Variants in TENT4A observed in about 807,000 individuals in gnomAD.
TENT4A encodes DNA polymerase kappa.
TENT4A carries 7 observed loss-of-function variants against 72.8 expected under a neutral mutation model. The ratio of observed to expected loss-of-function variants is 0.10; its 90% confidence interval spans 0.05 to 0.18. The LOEUF is 0.18. Ranked by LOEUF, TENT4A falls within the 10% of genes least tolerant of loss-of-function variation. The pLI is 1.00. For missense variants in TENT4A, 831 were observed against 1,017.7 expected, an observed-to-expected ratio of 0.82 and a Z score of 2.50; for synonymous variants, 456 against 434.3, an observed-to-expected ratio of 1.05 and a Z score of -0.62.
chr5:6,743,305 C>T (rs1400966894), intron 5 of TENT4A, among the ~76,000 whole-genome samples: 1 of 152,174 alleles, frequency 6.6e-6, no homozygotes, highest in African/African-American at 2.4e-5. Flanking sequence ...GCTTTCCCTC[C>T]CTCCTGCCAT....
At chr5:6,735,570 A>G (rs1229613304) in intron 1 of TENT4A, among the ~76,000 whole-genome samples, 4 of 152,180 alleles carry the variant, frequency 2.6e-5, no homozygotes, top group Non-Finnish European at 5.9e-5. Context: ...TCAGACTTTA[A>G]AGTGGCCTAC....
intron 1 of TENT4A, among the ~76,000 whole-genome samples, chr5:6,720,738 C>T (rs956822983): frequency 2.6e-5 from 4 of 151,074 alleles, no homozygotes; most frequent in African/African-American, 7.3e-5. Context: ...GCAGGAAAGC[C>T]GTGTGAATAT....
intron 12 of TENT4A, among the ~76,000 whole-genome samples, chr5:6,753,900 T>C (rs1742549830): frequency 6.6e-6 from 1 of 152,244 alleles, no homozygotes. Flanking sequence ...CACCGGCCTC[T>C]TCTTTGCATT....
chr5:6,740,818 C>T (rs1053051797), intron 4 of TENT4A, among the ~76,000 whole-genome samples: 1 of 152,240 alleles, frequency 6.6e-6, no homozygotes, highest in Admixed American at 6.5e-5. Flanking sequence ...TAGCACGAGA[C>T]AAGCCCTGGC....
At chr5:6,743,624 T>C in intron 5 of TENT4A, 88 bp from the exon 6 acceptor site, 2 of 1,110,008 alleles carry the variant, frequency 1.8e-6, no homozygotes, top group Non-Finnish European at 1.3e-6. Flanking sequence ...GAGGAAACTT[T>C]CCTTTCTGTC....
chr5:6,744,340 G>A (rs1036084316), intron 6 of TENT4A, among the ~76,000 whole-genome samples: 4 of 152,114 alleles, frequency 2.6e-5, no homozygotes, highest in East Asian at 1.9e-4. Flanking sequence ...GAAAACCTAC[G>A]TGTTTTAAAA....
intron 10 of TENT4A, 116 bp downstream of exon 10, chr5:6,750,619 ATGTG>A: frequency 8.0e-6 from 8 of 1,002,614 alleles, no homozygotes; most frequent in Non-Finnish European, 8.6e-6. Flanking sequence ...GTTTCCTTGT[ATGTG>A]TGTGGAGGTG....
intron 1 of TENT4A, among the ~76,000 whole-genome samples, chr5:6,732,513 C>G (rs1010058225): frequency 8.5e-5 from 13 of 152,176 alleles, no homozygotes; most frequent in Non-Finnish European, 1.5e-4. Flanking sequence ...GCTGATCTTG[C>G]TTTTCAGTAC....
In TENT4A at chr5:6,754,750, G is replaced by C. The variant is rs1742597823; in HGVS notation, c.2185-1G>C. 3 of 1,568,042 alleles carry C rather than the reference G, an allele frequency of 1.9e-6. No individual in the cohort carries two copies. In the East Asian group the frequency reaches 6.9e-5, roughly 36 times the overall value. On this transcript the variant is annotated splice_acceptor_variant, in intron 12 of 12. Coordinates refer to ENST00000230859, the MANE Select transcript of TENT4A (RefSeq NM_006999.6). LOFTEE classifies it high-confidence loss of function. ...ACACTGCTGTCTCTCTCTTTCTCCA[G>C]CAGCACAACGGCATGAAACTGTCCA...
intron 1 of TENT4A, among the ~76,000 whole-genome samples, chr5:6,736,108 A>C (rs2126629977): frequency 6.6e-6 from 1 of 152,330 alleles, no homozygotes; most frequent in Non-Finnish European, 1.5e-5. Context: ...GGCTGCAGGC[A>C]TGGCCTGATT....
At chr5:6,725,830 T>G (rs1740890797) in intron 1 of TENT4A, among the ~76,000 whole-genome samples, 1 of 152,172 alleles carries the variant, frequency 6.6e-6, no homozygotes, top group Admixed American at 6.5e-5. Context: ...ATTAAAAGTC[T>G]TATCTTTACA....
intron 1 of TENT4A, among the ~76,000 whole-genome samples, chr5:6,721,934 A>G (rs1740673764): frequency 6.6e-6 from 1 of 152,188 alleles, no homozygotes; most frequent in Admixed American, 6.5e-5. Context: ...GAGATTTCAG[A>G]TCATTGTAAC....
At position 6,750,923 on chromosome 5, in the gene TENT4A, T is replaced by C. The variant is rs1365330159; in HGVS notation, c.1861-116T>C. On this transcript the variant is annotated intron_variant, in intron 10 of 12. Transcript: ENST00000230859. The stretch of plus-strand genomic sequence containing the variant: ...TGCCTGTTCAGAAGTTAGACTTAAT[T>C]TGAATAACCTTTCATAGCCAGCCTG... The C allele has an allele frequency of 2.1e-5, 24 of 1,152,656 alleles. No homozygotes were observed. In the East Asian group the frequency reaches 5.7e-4, roughly 27 times the overall value. The allele number at this position is 1,152,656 out of a possible 1,614,324, so 71.4% of individuals were successfully genotyped here. A position where few individuals can be genotyped will look rare whatever the true frequency, so the allele number is the denominator to read the frequency against.
chr5:6,745,654 C>T (rs1742045969), intron 6 of TENT4A, among the ~76,000 whole-genome samples: 1 of 152,142 alleles, frequency 6.6e-6, no homozygotes, highest in Non-Finnish European at 1.5e-5. Context: ...CTTTTGAAGA[C>T]GATATGGCAC....
chr5:6,754,264 G>A (rs533117880), intron 12 of TENT4A, among the ~76,000 whole-genome samples: 12 of 152,268 alleles, frequency 7.9e-5, no homozygotes, highest in Non-Finnish European at 1.5e-4. Context: ...CGCCTCCCGG[G>A]TTCAAGCAAT....
At chr5:6,748,009 A>G (rs1486806472) in intron 7 of TENT4A, among the ~76,000 whole-genome samples, 1 of 152,196 alleles carries the variant, frequency 6.6e-6, no homozygotes, top group African/African-American at 2.4e-5. Flanking sequence ...ACTTGGGGTG[A>G]GCTGCCCTTC....
intron 12 of TENT4A, 22 bp downstream of exon 12, chr5:6,753,059 T>C (rs758441688): frequency 1.3e-6 from 2 of 1,573,618 alleles, no homozygotes; most frequent in Non-Finnish European, 1.7e-6. Flanking sequence ...TCCTGGTGCA[T>C]TCACCTACCT....
At chr5:6,741,757 A>G (rs1304641312) in intron 4 of TENT4A, among the ~76,000 whole-genome samples, 7 of 152,234 alleles carry the variant, frequency 4.6e-5, no homozygotes, top group South Asian at 4.1e-4. Flanking sequence ...TACGTTGCCT[A>G]TCACTGGCAT....
Position 6,739,616 on chromosome 5 carries a change from G to C in TENT4A, c.888-116G>C, listed in dbSNP as rs937547908. ...TTAGGGGCCATAGGCTAGTGGGATT[G>C]TGTCTTGGCCTTTGTGGGAGACACA... On this transcript the variant is annotated intron_variant, in intron 3 of 12. Transcript: ENST00000230859. 9.5e-6 allele frequency: 12 copies of C among 1,257,712 alleles called. No individual in the cohort carries two copies. In the African/African-American group the frequency reaches 1.6e-4, roughly 17 times the overall value. 77.9% of individuals were successfully genotyped at this position (1,257,712 alleles called of 1,614,324 possible). A position where few individuals can be genotyped will look rare whatever the true frequency, so the allele number is the denominator to read the frequency against.
Sources: allele counts gnomAD v4.1 joint callset (sites outside exome capture counted in the v4.1 genomes callset), GRCh38; gene constraint gnomAD v4.1.1; transcripts MANE v1.5; gene names NCBI Gene and HGNC (gene_info 2026-07-23, HGNC 2026-07-21).